CFAP47: variants seen among roughly 807,000 people sequenced by gnomAD.
CFAP47 encodes cilia- and flagella-associated protein 47.
Under a neutral mutation model 148.1 loss-of-function variants are expected in CFAP47, and 29 were observed. The ratio of observed to expected loss-of-function variants is 0.20; its 90% CI spans 0.15 to 0.27. The LOEUF (loss-of-function observed/expected upper bound fraction) is 0.27, where lower values mean the gene tolerates loss of function less well. CFAP47 is among the 10% of genes least tolerant of loss of function. The probability of loss-of-function intolerance (pLI) is 1.00; values close to 1 mark genes in which losing one functional copy is unlikely to be tolerated. For missense variants in CFAP47, 1,872 were observed against 1,697.5 expected (o/e 1.10, Z -1.81); for synonymous variants, 664 against 577.3 (o/e 1.15, Z -2.15).
chrX:36,080,464 T>C (rs1937954362), intron 29 of CFAP47, among the ~76,000 whole-genome samples: 1 of 111,605 alleles, frequency 9.0e-6, no homozygotes, highest in East Asian at 2.8e-4. Flanking sequence ...CATGCTACTC[T>C]AAAGACACAT....
intron 45 of CFAP47, among the ~76,000 whole-genome samples, chrX:36,207,235 T>C (rs1194014580): frequency 8.9e-6 from 1 of 111,940 alleles, no homozygotes; most frequent in East Asian, 2.8e-4. Flanking sequence ...ATTTTTATGG[T>C]ATAAACTGAT....
At position 35,941,287 on chromosome X, in the gene CFAP47, A is replaced by G; in HGVS notation, c.406A>G (p.Ile136Val). Residue 136 changes from isoleucine to valine, a missense_variant, in exon 3 of 64, where the codon ATT (isoleucine) becomes GTT (valine). Transcript: ENST00000378653. Reference sequence around the variant, plus strand: ...GCCTTCTTTTCTCCTCCCTAGGTTGATTCCATCCTGTCAATTGGAAATTGA... The same window carrying G: ...GCCTTCTTTTCTCCTCCCTAGGTTGGTTCCATCCTGTCAATTGGAAATTGA... ...KTTEIPLIGLIPSCQLEIESV... is the reference protein window; with the variant it reads ...KTTEIPLIGLVPSCQLEIESV... 8.8e-7 allele frequency: 1 copy of G among 1,134,014 alleles called. No homozygotes were observed. The highest frequency in any genetic ancestry group is 2.5e-4 in the Middle Eastern group (1 of 4,065). 93.5% of individuals were successfully genotyped at this position (1,134,014 alleles called of 1,213,427 possible). A position where few individuals can be genotyped will look rare whatever the true frequency, so the allele number is the denominator to read the frequency against.
chrX:36,241,784 C>T (rs1940547846), intron 48 of CFAP47, among the ~76,000 whole-genome samples: 1 of 112,002 alleles, frequency 8.9e-6, no homozygotes, highest in Non-Finnish European at 1.9e-5. Flanking sequence ...TCTGCAAGGC[C>T]AGTCTAGAAA....
intron 15 of CFAP47, among the ~76,000 whole-genome samples, chrX:35,976,546 C>T (rs1158301693): frequency 9.0e-6 from 1 of 111,637 alleles, no homozygotes; most frequent in Non-Finnish European, 1.9e-5. Context: ...TAAAAAAACA[C>T]TTTCACAACA....
chrX:36,176,180 A>G (rs1939677943), intron 39 of CFAP47, among the ~76,000 whole-genome samples: 1 of 112,510 alleles, frequency 8.9e-6, no homozygotes, highest in African/African-American at 3.2e-5. Flanking sequence ...GTGCGCACCC[A>G]CTGACCTGTG....
intron 39 of CFAP47, among the ~76,000 whole-genome samples, chrX:36,170,741 A>C (rs1410905367): frequency 8.4e-5 from 9 of 107,301 alleles, no homozygotes; most frequent in Admixed American, 8.1e-4. Context: ...ATTGTGAATA[A>C]TGCCGCAATA....
chrX:36,005,478 G>T (rs1407414574), intron 21 of CFAP47, among the ~76,000 whole-genome samples: 1 of 111,390 alleles, frequency 9.0e-6, no homozygotes, highest in East Asian at 2.8e-4. Flanking sequence ...CCACATATTT[G>T]TGCATTTACC....
At chrX:36,364,697 G>A (rs1556019897) in intron 61 of CFAP47, among the ~76,000 whole-genome samples, 1 of 108,114 alleles carries the variant, frequency 9.2e-6, no homozygotes, top group East Asian at 2.9e-4. Flanking sequence ...GCGAGTAAAG[G>A]AGGAAATAAG....
chrX:36,003,286 G>C (rs1936937219), intron 21 of CFAP47, among the ~76,000 whole-genome samples: 1 of 108,766 alleles, frequency 9.2e-6, no homozygotes, highest in Admixed American at 9.8e-5. Flanking sequence ...AATCTCACTA[G>C]ATCATAAGAT....
intron 19 of CFAP47, among the ~76,000 whole-genome samples, chrX:35,999,812 A>T (rs1383257323): frequency 1.8e-5 from 2 of 111,978 alleles, no homozygotes; most frequent in South Asian, 3.7e-4. Context: ...CACTTAATAG[A>T]GTGGAGCTAG....
chrX:36,009,640 A>G (rs960125704), intron 21 of CFAP47, among the ~76,000 whole-genome samples: 4 of 112,199 alleles, frequency 3.6e-5, no homozygotes, highest in African/African-American at 1.3e-4. Context: ...GGCTTCTATA[A>G]TTTGGTTATA....
chrX:36,364,943 T>TATATATATAC (rs1304339120), intron 61 of CFAP47, among the ~76,000 whole-genome samples: 1 of 73,595 alleles, frequency 1.4e-5, no homozygotes, highest in Non-Finnish European at 2.8e-5. Context: ...TATATATATA[T>TATATATATAC]ACACACACAC....
chrX:35,975,625 C>T, intron 14 of CFAP47, 47 bp from the exon 15 acceptor site: 1 of 1,180,867 alleles, frequency 8.5e-7, no homozygotes, highest in Non-Finnish European at 1.1e-6. Flanking sequence ...TCTATAATCA[C>T]AAATAACTAT....
At chrX:35,974,734 T>C (rs1176870979) in intron 13 of CFAP47, among the ~76,000 whole-genome samples, 1 of 111,671 alleles carries the variant, frequency 9.0e-6, no homozygotes, top group Non-Finnish European at 1.9e-5. Context: ...TATAAAATCC[T>C]GGGCATTTTA....
chrX:35,967,855 T>C lies in CFAP47; in HGVS notation c.1814+23T>C, dbSNP rs376470666. ...CAGGTAACATGAAATATTAAAACCC[T>C]GAAATTTGGAAAAGCTTAATGGACA... On this transcript the variant is annotated intron_variant, in intron 10 of 63. Transcript: ENST00000378653. 9.0e-6 allele frequency: 10 copies of C among 1,114,681 alleles called. No homozygotes were observed. The African/African-American group carries it at 9.1e-5, about 10-fold the overall frequency. 91.9% of individuals were successfully genotyped at this position (1,114,681 alleles called of 1,213,427 possible).
At chrX:36,270,505 C>T (rs1386769126) in intron 49 of CFAP47, among the ~76,000 whole-genome samples, 1 of 103,798 alleles carries the variant, frequency 9.6e-6, no homozygotes, top group Non-Finnish European at 1.9e-5. Flanking sequence ...ATTGCTCCCC[C>T]ATTGGGTTTT....
intron 33 of CFAP47, among the ~76,000 whole-genome samples, chrX:36,116,389 A>T (rs376259568): frequency 2.4e-4 from 27 of 112,433 alleles, no homozygotes; most frequent in African/African-American, 8.7e-4. Context: ...TGCAAAGGAC[A>T]TGATTTCATT....
chrX:36,279,783 C>A (rs1431752615), intron 49 of CFAP47, among the ~76,000 whole-genome samples: 2 of 111,215 alleles, frequency 1.8e-5, no homozygotes, highest in African/African-American at 3.3e-5. Context: ...CAGCTCACTG[C>A]AACTTCCGCC....
intron 60 of CFAP47, among the ~76,000 whole-genome samples, chrX:36,357,834 G>A (rs1269576688): frequency 9.0e-6 from 1 of 111,351 alleles, no homozygotes; most frequent in Non-Finnish European, 1.9e-5. Flanking sequence ...AGTAGTTTTA[G>A]TCATGCCCCT....
Sources: allele counts gnomAD v4.1 joint callset (sites outside exome capture counted in the v4.1 genomes callset), GRCh38; gene constraint gnomAD v4.1.1; transcripts MANE v1.5; gene names NCBI Gene and HGNC (gene_info 2026-07-23, HGNC 2026-07-21).